The following SPMIP2 variants were observed in gnomAD, a reference collection of about 807,000 sequenced individuals.
SPMIP2 encodes protein SPMIP2.
chr4:158,948,359 T>C, the SPMIP2 span, among the ~76,000 whole-genome samples: 2 of 152,192 alleles, frequency 1.3e-5, no homozygotes, highest in Non-Finnish European at 2.9e-5. Flanking sequence ...TTTCTTTTTT[T>C]CTACCTTCCT....
the SPMIP2 span, among the ~76,000 whole-genome samples, chr4:158,944,082 C>A: frequency 6.6e-6 from 1 of 152,014 alleles, no homozygotes; most frequent in Non-Finnish European, 1.5e-5. Flanking sequence ...TCTCAATCCC[C>A]TGACCTTGTG....
At chr4:159,070,246 T>C in the SPMIP2 span, among the ~76,000 whole-genome samples, 1 of 152,160 alleles carries the variant, frequency 6.6e-6, no homozygotes, top group Non-Finnish European at 1.5e-5. Flanking sequence ...AAAACCACAA[T>C]GTAATGACAA....
the SPMIP2 span, among the ~76,000 whole-genome samples, chr4:159,066,661 A>G: frequency 6.7e-6 from 1 of 149,014 alleles, no homozygotes. Context: ...AACCCTTCTC[A>G]TTAACACTTG....
chr4:158,952,304 CAT>C, the SPMIP2 span, among the ~76,000 whole-genome samples: 8 of 152,164 alleles, frequency 5.3e-5, no homozygotes, highest in Non-Finnish European at 7.4e-5. Context: ...ATAATTCCCA[CAT>C]GTTGTGGGAA....
chr4:159,082,357 A>G, the SPMIP2 span, among the ~76,000 whole-genome samples: 1 of 143,648 alleles, frequency 7.0e-6, no homozygotes, highest in Non-Finnish European at 1.6e-5. Context: ...ATAAATAAAT[A>G]AATGTTGTGC....
chr4:158,954,393 G>A, the SPMIP2 span, among the ~76,000 whole-genome samples: 1 of 152,126 alleles, frequency 6.6e-6, no homozygotes, highest in Non-Finnish European at 1.5e-5. Flanking sequence ...GGCCTCCCCA[G>A]TCATGTGGAA....
the SPMIP2 span, among the ~76,000 whole-genome samples, chr4:159,030,659 G>A: frequency 6.6e-6 from 1 of 151,862 alleles, no homozygotes; most frequent in Non-Finnish European, 1.5e-5. Flanking sequence ...ACCACTCCCA[G>A]CTAATTTTTG....
At chr4:158,915,857 C>G in the SPMIP2 span, among the ~76,000 whole-genome samples, 2 of 152,260 alleles carry the variant, frequency 1.3e-5, no homozygotes, top group East Asian at 3.9e-4. Context: ...TTCTAACAAC[C>G]CTAAATTAGA....
the SPMIP2 span, among the ~76,000 whole-genome samples, chr4:159,023,523 A>T: frequency 2.6e-5 from 4 of 152,210 alleles, no homozygotes; most frequent in Non-Finnish European, 5.9e-5. Context: ...TCACACAAAA[A>T]TGACCAGACA....
the SPMIP2 span, chr4:158,960,473 A>G: frequency 1.8e-6 from 1 of 563,642 alleles, no homozygotes; most frequent in Non-Finnish European, 3.1e-6. Flanking sequence ...AATTCAGTTA[A>G]AAGAAGATCA....
At chr4:158,940,457 G>A in the SPMIP2 span, among the ~76,000 whole-genome samples, 2 of 151,744 alleles carry the variant, frequency 1.3e-5, no homozygotes, top group African/African-American at 2.4e-5. Context: ...ATATCTCAGC[G>A]TCACTCTTTT....
the SPMIP2 span, among the ~76,000 whole-genome samples, chr4:159,015,167 C>T: frequency 6.6e-6 from 1 of 152,170 alleles, no homozygotes; most frequent in Admixed American, 6.5e-5. Flanking sequence ...TTTATTTTGC[C>T]TCTGTCTCTT....
chr4:158,904,898 T>C, the SPMIP2 span: 2 of 215,544 alleles, frequency 9.3e-6, no homozygotes, highest in African/African-American at 4.5e-5. Context: ...TTGAGCGGGG[T>C]GGTCAGCAGT....
At chr4:159,023,139 A>G in the SPMIP2 span, among the ~76,000 whole-genome samples, 29 of 152,210 alleles carry the variant, frequency 1.9e-4, no homozygotes, top group African/African-American at 6.3e-4. Context: ...ATGCTCAGAG[A>G]TCTTGTTAAA....
chr4:158,933,940 A>G, the SPMIP2 span, among the ~76,000 whole-genome samples: 2 of 152,186 alleles, frequency 1.3e-5, no homozygotes, highest in African/African-American at 4.8e-5. Context: ...TTTTTACTGG[A>G]CATCTCATAG....
At chr4:158,995,032 C>T in the SPMIP2 span, among the ~76,000 whole-genome samples, 1 of 152,182 alleles carries the variant, frequency 6.6e-6, no homozygotes, top group Non-Finnish European at 1.5e-5. Flanking sequence ...GCTAAAGCAT[C>T]CTTGCTACAT....
the SPMIP2 span, among the ~76,000 whole-genome samples, chr4:158,934,577 G>A: frequency 1.3e-5 from 2 of 152,030 alleles, no homozygotes; most frequent in Admixed American, 6.6e-5. Flanking sequence ...AAATTTATAC[G>A]TGTTAGCCGT....
chr4:158,896,505 A>C, the SPMIP2 span, among the ~76,000 whole-genome samples: 10 of 152,248 alleles, frequency 6.6e-5, no homozygotes, highest in Non-Finnish European at 1.2e-4. Flanking sequence ...CATTTGGGGA[A>C]CTGCCCCCGC....
chr4:158,909,765 G>A, the SPMIP2 span, among the ~76,000 whole-genome samples: 1 of 151,972 alleles, frequency 6.6e-6, no homozygotes, highest in East Asian at 1.9e-4. Flanking sequence ...ATTTGGGGCT[G>A]GACGCAATGG....
Sources: gnomAD v4.1 joint callset for allele counts (sites outside exome capture counted in the v4.1 genomes callset) on GRCh38, gnomAD v4.1.1 for gene constraint, MANE v1.5 for transcripts, NCBI Gene and HGNC (gene_info 2026-07-23, HGNC 2026-07-21) for gene names.